The following SETBP1 variants were observed in gnomAD, a reference collection of about 807,000 sequenced individuals.
The protein encoded by SETBP1 is SET-binding protein.
A neutral mutation model predicts 101.0 loss-of-function variants in SETBP1; 9 were observed. The observed-to-expected ratio is 0.09, with a 90% CI of 0.05 to 0.16. The LOEUF is 0.16. Among genes scored for constraint, SETBP1 ranks in the 10% least tolerant of loss-of-function variants. The pLI, the probability that SETBP1 is intolerant of heterozygous loss-of-function variation, is 1.00. For synonymous variants in SETBP1, 818 were observed against 788.5 expected (o/e 1.04, Z -0.63); for missense variants, 1,858 against 2,033.8 (o/e 0.91, Z 1.66).
intron 2 of SETBP1, among the ~76,000 whole-genome samples, chr18:44,826,996 GC>G (rs1568167045): frequency 6.6e-6 from 1 of 152,180 alleles, no homozygotes; most frequent in African/African-American, 2.4e-5. Context: ...GGCTAAGAAT[GC>G]CATGGGAGAG....
intron 2 of SETBP1, among the ~76,000 whole-genome samples, chr18:44,714,170 C>T (rs1362259203): frequency 6.6e-6 from 1 of 152,060 alleles, no homozygotes; most frequent in Non-Finnish European, 1.5e-5. Context: ...TTTTATTTTT[C>T]CAGCCTAGAT....
At chr18:44,746,450 A>G (rs1169772411) in intron 2 of SETBP1, among the ~76,000 whole-genome samples, 1 of 152,214 alleles carries the variant, frequency 6.6e-6, no homozygotes, top group East Asian at 1.9e-4. Flanking sequence ...TCCAAAATGG[A>G]GAATACAGGA....
At position 44,835,995 on chromosome 18, in the gene SETBP1, G is replaced by A. The variant is rs548450075; in HGVS notation, c.487-33235G>A. On this transcript the variant is annotated intron_variant, in intron 2 of 5. Coordinates refer to ENST00000649279, the MANE Select transcript of SETBP1 (RefSeq NM_015559.3). ...TTCTGCAGCCAGGGGAGCCTGCCTG[G>A]CCTTCTGATCCGGCAACTAATCACG... is the stretch of plus-strand genomic sequence containing the variant. 1.6e-4 allele frequency among the ~76,000 whole-genome samples: 24 copies of A among 152,294 alleles called. No homozygotes were observed. The South Asian group carries it at 5.0e-3, about 32-fold the overall frequency.
Position 45,063,402 on chromosome 18 carries a change from G to A in SETBP1, c.4495G>A (p.Ala1499Thr). ...CCTGAGCCCGCTGGTGCTGGAGCCC[G>A]CCGCCAGCCAAGACACCATCATGGC... is the stretch of plus-strand genomic sequence containing the variant. ...PSLSPLVLEP[A>T]ASQDTIMATI... Residue 1499 changes from alanine (A) to threonine (T), a missense_variant, in exon 6 of 6, where the codon GCC becomes ACC. Around this residue, in one of 12 missense-constraint regions of SETBP1, gnomAD observed 178 missense variants for 189.1 expected, o/e 0.94. Coordinates refer to ENST00000649279, the MANE Select transcript of SETBP1 (RefSeq NM_015559.3). 4 of 1,535,956 alleles carry A rather than the reference G, an allele frequency of 2.6e-6. No individual in the cohort carries two copies. Among genetic ancestry groups the A allele is most frequent in the African/African-American group, 1.4e-5 (1 of 72,378 alleles).
chr18:44,886,957 A>T (rs1191902613), intron 3 of SETBP1, among the ~76,000 whole-genome samples: 1 of 152,030 alleles, frequency 6.6e-6, no homozygotes, highest in Non-Finnish European at 1.5e-5. Context: ...TGTCTCAGGA[A>T]CACTTGTTGG....
At chr18:45,015,275 G>C (rs190263543) in intron 4 of SETBP1, among the ~76,000 whole-genome samples, 4 of 152,254 alleles carry the variant, frequency 2.6e-5, no homozygotes, top group Non-Finnish European at 5.9e-5. Context: ...GGGCAAGATG[G>C]GTTGTTCCAC....
chr18:45,005,058 G>T (rs937780905), intron 4 of SETBP1, among the ~76,000 whole-genome samples: 1 of 152,144 alleles, frequency 6.6e-6, no homozygotes, highest in Non-Finnish European at 1.5e-5. Flanking sequence ...GGGCTTTGGC[G>T]CAGCATCTCA....
At chr18:44,962,640 C>T (rs1001901146) in intron 4 of SETBP1, among the ~76,000 whole-genome samples, 2 of 152,056 alleles carry the variant, frequency 1.3e-5, no homozygotes, top group Non-Finnish European at 2.9e-5. Flanking sequence ...AAAAGAAACC[C>T]CAAAACTAAC....
intron 3 of SETBP1, among the ~76,000 whole-genome samples, chr18:44,925,504 G>T (rs530272823): frequency 1.7e-4 from 26 of 152,238 alleles, no homozygotes; most frequent in African/African-American, 6.0e-4. Flanking sequence ...GAGGGCTGTT[G>T]TTTTTGTTTT....
intron 2 of SETBP1, among the ~76,000 whole-genome samples, chr18:44,722,383 A>G (rs758958099): frequency 6.6e-6 from 1 of 152,080 alleles, no homozygotes; most frequent in Non-Finnish European, 1.5e-5. Flanking sequence ...TTTTGCCTCA[A>G]TTCTTGTGCT....
chr18:44,923,111 C>A (rs1243996919), intron 3 of SETBP1, among the ~76,000 whole-genome samples: 1 of 152,190 alleles, frequency 6.6e-6, no homozygotes, highest in Admixed American at 6.5e-5. Flanking sequence ...TCTAGAATAG[C>A]AGTACTGACA....
chr18:44,753,742 A>T (rs2070436289), intron 2 of SETBP1, among the ~76,000 whole-genome samples: 1 of 152,234 alleles, frequency 6.6e-6, no homozygotes, highest in Non-Finnish European at 1.5e-5. Context: ...AGAATAGTGG[A>T]ACACTAAAGG....
At chr18:44,897,981 A>C (rs1340871111) in intron 3 of SETBP1, among the ~76,000 whole-genome samples, 2 of 152,168 alleles carry the variant, frequency 1.3e-5, no homozygotes, top group Non-Finnish European at 2.9e-5. Context: ...AGAATACTGG[A>C]AGTATCAGCT....
intron 2 of SETBP1, among the ~76,000 whole-genome samples, chr18:44,859,730 C>A (rs2068961616): frequency 6.6e-6 from 1 of 152,168 alleles, no homozygotes; most frequent in South Asian, 2.1e-4. Flanking sequence ...ATCATAGTGA[C>A]TTTTCATATT....
At chr18:45,021,490 G>A (rs1310596581) in intron 4 of SETBP1, among the ~76,000 whole-genome samples, 1 of 152,140 alleles carries the variant, frequency 6.6e-6, no homozygotes, top group Non-Finnish European at 1.5e-5. Context: ...TTATTATTCA[G>A]TTGTTTCTCT....
intron 4 of SETBP1, among the ~76,000 whole-genome samples, chr18:44,990,622 A>C (rs200589025): frequency 6.6e-6 from 1 of 150,992 alleles, no homozygotes; most frequent in South Asian, 2.1e-4. Flanking sequence ...AACAAACAAA[A>C]AACAAACAAA....
In SETBP1 at chr18:44,856,822, C is replaced by A. The variant is rs137946841; in HGVS notation, c.487-12408C>A. Among the ~76,000 whole-genome samples the A allele has an allele frequency of 2.0e-5, 3 of 152,256 alleles. No individual in the cohort carries two copies. In the East Asian group the frequency reaches 5.8e-4, roughly 29 times the overall value. ...GTTAACATGCACATGTCTTTCATTGCGATATGGCAAAGGTAAGAGAGGGGA... is the reference window on the plus strand; with the variant it reads ...GTTAACATGCACATGTCTTTCATTGAGATATGGCAAAGGTAAGAGAGGGGA... On this transcript the variant is annotated intron_variant, in intron 2 of 5. Coordinates refer to ENST00000649279, the MANE Select transcript of SETBP1 (RefSeq NM_015559.3).
At chr18:44,940,630 C>T (rs185606907) in intron 3 of SETBP1, among the ~76,000 whole-genome samples, 110 of 152,210 alleles carry the variant, frequency 7.2e-4, no homozygotes, top group Non-Finnish European at 1.4e-3. Flanking sequence ...AAGAAGATTA[C>T]GAATGTATAC....
chr18:44,850,304 C>T (rs895668785), intron 2 of SETBP1, among the ~76,000 whole-genome samples: 3 of 152,228 alleles, frequency 2.0e-5, no homozygotes, highest in African/African-American at 7.2e-5. Flanking sequence ...TCCCACCCAG[C>T]ATTGACATGC....
Sources: gnomAD v4.1 joint callset for allele counts (sites outside exome capture counted in the v4.1 genomes callset) on GRCh38, gnomAD v4.1.1 for gene constraint, gnomAD v4.1.1 regional missense constraint, MANE v1.5 for transcripts, NCBI Gene and HGNC (gene_info 2026-07-23, HGNC 2026-07-21) for gene names.